The following PPP1R3A variants were observed in gnomAD, a reference collection of about 807,000 sequenced individuals.
PPP1R3A encodes the protein RG1.
In PPP1R3A, 29 loss-of-function variants were observed where a neutral mutation model predicts 41.7. That is an observed-to-expected ratio of 0.70 (90% CI 0.52 to 0.95). PPP1R3A has a LOEUF of 0.95. PPP1R3A is among the 40% of genes least tolerant of loss of function. The probability of loss-of-function intolerance (pLI) is 0.00; values close to 1 mark genes in which losing one functional copy is unlikely to be tolerated. For missense variants in PPP1R3A, 1,352 were observed against 1,292.4 expected (o/e 1.05, Z -0.71); for synonymous variants, 485 against 453.4 (o/e 1.07, Z -0.89).
intron 1 of PPP1R3A, among the ~76,000 whole-genome samples, chr7:113,886,308 C>A (rs1310563341): frequency 6.6e-6 from 1 of 151,872 alleles, no homozygotes; most frequent in African/African-American, 2.4e-5. Flanking sequence ...GGGGGTGGGT[C>A]TTTTCTGCAC....
intron 1 of PPP1R3A, among the ~76,000 whole-genome samples, chr7:113,902,695 C>A (rs754233235): frequency 2.0e-5 from 3 of 151,948 alleles, no homozygotes; most frequent in Non-Finnish European, 2.9e-5. Context: ...GTTACCTTCT[C>A]GATGAAGTGC....
intron 1 of PPP1R3A, among the ~76,000 whole-genome samples, chr7:113,893,955 G>T (rs1796935306): frequency 1.3e-5 from 2 of 151,858 alleles, no homozygotes; most frequent in African/African-American, 4.8e-5. Flanking sequence ...TAACTCTTCA[G>T]TTCCTACCAA....
rs372908810 is a variant in PPP1R3A, at chr7:113,879,074, G to A, written c.2018C>T (p.Thr673Ile). The change falls in exon 4 of 4, where the codon ACA becomes ATA. Residue 673 changes from threonine to isoleucine, a missense_variant. Physicochemically the swap from Thr to Ile is moderately conservative, Grantham distance 89. Transcript: ENST00000284601. ...ATCTGTTTGTCCTTTGATATGCTCT[G>A]TTATGTTTGTCTTATTCTCTCTTGA... ...GKSRENKTNI[T>I]EHIKGQTDCE... is the part of the protein sequence containing the mutation. 1.4e-5 allele frequency: 22 copies of A among 1,613,536 alleles called. No homozygotes were observed. The African/African-American group carries it at 2.5e-4, about 19-fold the overall frequency.
At chr7:113,912,344 C>T (rs763939526) in intron 1 of PPP1R3A, among the ~76,000 whole-genome samples, 3 of 152,124 alleles carry the variant, frequency 2.0e-5, no homozygotes, top group Non-Finnish European at 4.4e-5. Flanking sequence ...CTGCCACCCT[C>T]GAGGGGTCTC....
intron 1 of PPP1R3A, among the ~76,000 whole-genome samples, chr7:113,884,271 A>G (rs1345431728): frequency 6.6e-6 from 1 of 152,060 alleles, no homozygotes; most frequent in East Asian, 1.9e-4. Flanking sequence ...ATTTGAAAAT[A>G]TTATTCCAAA....
intron 1 of PPP1R3A, among the ~76,000 whole-genome samples, chr7:113,887,283 A>G (rs537412724): frequency 1.3e-5 from 2 of 152,194 alleles, no homozygotes; most frequent in African/African-American, 4.8e-5. Context: ...TAAAAAAGAA[A>G]TTAATTAATG....
At chr7:113,889,705 G>A (rs754145318) in intron 1 of PPP1R3A, among the ~76,000 whole-genome samples, 1 of 152,006 alleles carries the variant, frequency 6.6e-6, no homozygotes, top group African/African-American at 2.4e-5. Context: ...AGAAATGAAT[G>A]TTTTCCAGGC....
chr7:113,879,330 T>G lies in PPP1R3A; in HGVS notation c.1762A>C (p.Asn588His). The G allele has an allele frequency of 6.2e-7, 1 of 1,613,556 alleles. No homozygotes were observed. Among genetic ancestry groups the G allele is most frequent in the Non-Finnish European group, 8.5e-7 (1 of 1,179,696 alleles). The stretch of plus-strand genomic sequence containing the variant: ...AACACAGCTTCTTCCCAACTTAAAT[T>G]TGTCCTTGGTGAATGAGACACATCT... ...TADVSHSPRT[N>H]LSWEEAVLTP... Residue 588 changes from asparagine to histidine, a missense_variant, in exon 4 of 4, where the codon AAT becomes CAT. Asn to His is a moderately conservative substitution (Grantham distance 68). Transcript: ENST00000284601.
chr7:113,899,749 G>A (rs1797033335), intron 1 of PPP1R3A, among the ~76,000 whole-genome samples: 1 of 151,790 alleles, frequency 6.6e-6, no homozygotes, highest in Non-Finnish European at 1.5e-5. Flanking sequence ...AGTCTTTGTA[G>A]TTGGATCTGG....
chr7:113,902,539 C>T lies in PPP1R3A; in HGVS notation c.782+15676G>A, dbSNP rs949972282. ...CTCTCTGCATCTCCTGCTGTGTTCA[C>T]CTTCACTCACTCTGCTTTAGCCACA... On this transcript the variant is annotated intron_variant, in intron 1 of 3. Coordinates refer to ENST00000284601, the MANE Select transcript of PPP1R3A (RefSeq NM_002711.4). Among the ~76,000 whole-genome samples the T allele has an allele frequency of 2.0e-5, 3 of 151,818 alleles. No individual in the cohort carries two copies. The South Asian group carries it at 6.2e-4, about 31-fold the overall frequency.
In PPP1R3A at chr7:113,878,336, T is replaced by G. The variant is rs976744379; in HGVS notation, c.2756A>C (p.His919Pro). 6 of 1,612,890 alleles carry G rather than the reference T, an allele frequency of 3.7e-6. No individual in the cohort carries two copies. In the African/African-American group the frequency reaches 8.0e-5, roughly 22 times the overall value. ...AGTTGACACTGAAATTTCAGTATGA[T>G]GTTTGGAAAAAGGAGAGCTATTCTG... Reference protein sequence around the residue: ...APQNSSPFSKHHTEISVSTNE... With the variant: ...APQNSSPFSKPHTEISVSTNE... The change falls in exon 4 of 4, where the codon CAT (histidine) becomes CCT (proline). Residue 919 changes from histidine (H) to proline (P), a missense_variant. Coordinates refer to ENST00000284601, the MANE Select transcript of PPP1R3A (RefSeq NM_002711.4).
chr7:113,889,511 T>C (rs1796842075), intron 1 of PPP1R3A, among the ~76,000 whole-genome samples: 1 of 152,130 alleles, frequency 6.6e-6, no homozygotes, highest in South Asian at 2.1e-4. Context: ...AACTAGTGTT[T>C]GTTGAATGGA....
At chr7:113,897,232 A>G (rs1342100114) in intron 1 of PPP1R3A, among the ~76,000 whole-genome samples, 1 of 151,812 alleles carries the variant, frequency 6.6e-6, no homozygotes, top group Non-Finnish European at 1.5e-5. Context: ...AGAAGTCTAT[A>G]TTTATTGAGT....
rs1187019031 is a variant in PPP1R3A at position 113,918,913 on chromosome 7, A to C, written c.84T>G (p.Asp28Glu). Reference protein sequence around the residue: ...VPNLSDSLCEDEEVTFQPGFS... With the variant: ...VPNLSDSLCEEEEVTFQPGFS... ...AACCAGGTTGGAAAGTAACTTCTTC[A>C]TCTTCACAAAGAGAGTCAGATAAAT... The change falls in exon 1 of 4, where the codon GAT (aspartate) becomes GAG (glutamate). Residue 28 changes from aspartate to glutamate, a missense_variant. By Grantham distance (45) the Asp-to-Glu change is conservative (BLOSUM62 2). Coordinates refer to ENST00000284601, the MANE Select transcript of PPP1R3A (RefSeq NM_002711.4). 4 of 1,612,796 alleles carry C rather than the reference A, an allele frequency of 2.5e-6. No individual in the cohort carries two copies. The highest frequency in any genetic ancestry group is 3.4e-6 in the Non-Finnish European group (4 of 1,179,200).
At chr7:113,898,476 T>C (rs1797010662) in intron 1 of PPP1R3A, among the ~76,000 whole-genome samples, 1 of 151,702 alleles carries the variant, frequency 6.6e-6, no homozygotes. Context: ...GTGAGAGAGA[T>C]ATAAGTGTCC....
At chr7:113,886,328 G>T (rs968059954) in intron 1 of PPP1R3A, among the ~76,000 whole-genome samples, 1 of 152,012 alleles carries the variant, frequency 6.6e-6, no homozygotes, top group African/African-American at 2.4e-5. Context: ...CCATTCTCAT[G>T]ATAGTAAATG....
intron 1 of PPP1R3A, among the ~76,000 whole-genome samples, chr7:113,901,251 A>T (rs1270734894): frequency 2.0e-5 from 3 of 151,746 alleles, no homozygotes; most frequent in Non-Finnish European, 2.9e-5. Context: ...AAGGAGCGTT[A>T]AAACCCAATG....
At chr7:113,911,800 G>A (rs76370232) in intron 1 of PPP1R3A, among the ~76,000 whole-genome samples, 4,480 of 152,040 alleles carry the variant, frequency 0.029, 220 homozygotes, top group African/African-American at 0.1. Context: ...GAATGATGAG[G>A]GAAAACAGCA....
At chr7:113,897,689 G>C (rs540963664) in intron 1 of PPP1R3A, among the ~76,000 whole-genome samples, 115 of 151,936 alleles carry the variant, frequency 7.6e-4, no homozygotes, top group Non-Finnish European at 1.3e-3. Context: ...GAGCTTATAA[G>C]TGCCAAGACA....
Sources: allele counts gnomAD v4.1 joint callset (sites outside exome capture counted in the v4.1 genomes callset), GRCh38; gene constraint gnomAD v4.1.1; transcripts MANE v1.5; gene names NCBI Gene and HGNC (gene_info 2026-07-23, HGNC 2026-07-21).